The following TBCD variants were observed in gnomAD, a reference collection of about 807,000 sequenced individuals.
The protein encoded by TBCD is tubulin folding cofactor D.
A neutral mutation model predicts 169.3 loss-of-function variants in TBCD; 105 were observed. The ratio of observed to expected loss-of-function variants is 0.62; its 90% CI spans 0.53 to 0.73. The LOEUF (loss-of-function observed/expected upper bound fraction) is 0.73. TBCD is among the 30% of genes least tolerant of loss of function. The pLI is 0.00. For missense variants in TBCD, 1,444 were observed against 1,600.1 expected, an observed-to-expected ratio of 0.90 and a Z score of 1.66; for synonymous variants, 700 against 643.9, an observed-to-expected ratio of 1.09 and a Z score of -1.32.
chr17:82,838,202 T>C (rs375778786), intron 13 of TBCD, among the ~76,000 whole-genome samples: 1 of 152,202 alleles, frequency 6.6e-6, no homozygotes, highest in African/African-American at 2.4e-5. Context: ...GCCAATATAC[T>C]GTCTTTCCAA....
At chr17:82,809,837 T>C (rs376987935) in intron 12 of TBCD, 55 bp downstream of exon 12, 14 of 1,540,224 alleles carry the variant, frequency 9.1e-6, no homozygotes, top group Non-Finnish European at 1.1e-5. Context: ...TGAGAAGCCC[T>C]GGCTTTCCTT....
At chr17:82,879,076 T>C (rs867933984) in intron 14 of TBCD, among the ~76,000 whole-genome samples, 2 of 147,684 alleles carry the variant, frequency 1.4e-5, no homozygotes, top group Non-Finnish European at 3.0e-5. Context: ...TTTTTTTTTT[T>C]TTTCTTTTTT....
Position 82,943,298 on chromosome 17 carries a change from G to A in TBCD, c.*835G>A, listed in dbSNP as rs1002347219. 2.0e-5 allele frequency: 3 copies of A among 152,260 alleles called. No individual in the cohort carries two copies. Among genetic ancestry groups the A allele is most frequent in the African/African-American group, 7.2e-5 (3 of 41,438 alleles). The allele number at this position is 152,260 out of a possible 1,614,324, so 9.4% of individuals were successfully genotyped here. On this transcript the variant is annotated 3_prime_UTR_variant, in exon 39 of 39. Coordinates refer to ENST00000355528, the MANE Select transcript of TBCD (RefSeq NM_005993.5). ...GCTCGTGCTGATCCATCCCAAAGCT[G>A]GTGAGGGGAACGTGTATAAAAATTT...
intron 10 of TBCD, 24 bp from the exon 11 acceptor site, chr17:82,807,584 C>T (rs755604336): frequency 3.2e-5 from 47 of 1,482,762 alleles, no homozygotes; most frequent in African/African-American, 5.6e-5. Context: ...GACTCTGTCA[C>T]GCATCACCTT....
Position 82,799,441 on chromosome 17 carries a change from CAAAAAAAAAAAA to C in TBCD, c.818-1412_818-1401del, listed in dbSNP as rs61017445. On this transcript the variant is annotated intron_variant, in intron 8 of 38. Transcript: ENST00000355528. ...CTGGCGACAGAGCAAGACTCTGTCT[CAAAAAAAAAAAA>C]AAAAAAAAAAGAAACTATCCGAATA... Among the ~76,000 whole-genome samples, 23 of 72,620 alleles carry C rather than the reference CAAAAAAAAAAAA, an allele frequency of 3.2e-4. No homozygotes were observed. In the Admixed American group the frequency reaches 4.2e-3, roughly 13 times the overall value. The allele number at this position is 72,620 out of a possible 152,430, so 47.6% of individuals were successfully genotyped here.
intron 5 of TBCD, among the ~76,000 whole-genome samples, chr17:82,771,577 C>A (rs2048315463): frequency 6.6e-6 from 1 of 152,172 alleles, no homozygotes; most frequent in Non-Finnish European, 1.5e-5. Context: ...TGCCATCATG[C>A]CTGGCCAATT....
At chr17:82,841,207 G>T (rs894368936) in intron 13 of TBCD, among the ~76,000 whole-genome samples, 2 of 151,830 alleles carry the variant, frequency 1.3e-5, no homozygotes, top group Non-Finnish European at 2.9e-5. Context: ...CTCCCAAAGT[G>T]CTTGGATTAC....
At chr17:82,767,693 G>T (rs955336744) in intron 4 of TBCD, among the ~76,000 whole-genome samples, 1 of 152,054 alleles carries the variant, frequency 6.6e-6, no homozygotes, top group Non-Finnish European at 1.5e-5. Context: ...ACGGTGGCTC[G>T]TGCCTGTAAT....
At chr17:82,911,422 A>G (rs1425833379) in intron 22 of TBCD, among the ~76,000 whole-genome samples, 3 of 152,134 alleles carry the variant, frequency 2.0e-5, no homozygotes, top group Non-Finnish European at 4.4e-5. Context: ...TCTAGGCTGG[A>G]TAGGGGGCTC....
At chr17:82,830,050 T>A in intron 13 of TBCD, 1 of 1,569,120 alleles carries the variant, frequency 6.4e-7, no homozygotes, top group East Asian at 2.3e-5. Context: ...TTTGTAAAAA[T>A]GTGAAAGTGC....
In TBCD at chr17:82,797,800, A is replaced by G; in HGVS notation, c.815A>G (p.Tyr272Cys). 4.5e-6 allele frequency: 7 copies of G among 1,571,818 alleles called. No individual in the cohort carries two copies. Among genetic ancestry groups the G allele is most frequent in the Non-Finnish European group, 6.0e-6 (7 of 1,167,232 alleles). The change falls in exon 8 of 39, where the codon TAT (tyrosine) becomes TGT (cysteine). Residue 272 changes from tyrosine to cysteine, a missense_variant and splice_region_variant. Physicochemically the swap from Tyr to Cys is radical, Grantham distance 194 (BLOSUM62 -2). Transcript: ENST00000355528. ...GGAAAACGTGAAGACTGTTTGCCCTATGGTAAGGTTTATTTTTAAGAGACG... is the reference window on the plus strand; with the variant it reads ...GGAAAACGTGAAGACTGTTTGCCCTGTGGTAAGGTTTATTTTTAAGAGACG... ...KHGKREDCLP[Y>C]AATVLRCLDG...
intron 9 of TBCD, among the ~76,000 whole-genome samples, chr17:82,804,230 C>T (rs1255208389): frequency 3.9e-5 from 6 of 152,028 alleles, no homozygotes; most frequent in Admixed American, 2.0e-4. Flanking sequence ...TGATGGTCTC[C>T]GCCACGGTCC....
chr17:82,846,750 G>A (rs1331485855), intron 13 of TBCD, among the ~76,000 whole-genome samples: 1 of 152,228 alleles, frequency 6.6e-6, no homozygotes, highest in Non-Finnish European at 1.5e-5. Context: ...ATGGTCACCT[G>A]CCTGAGAACC....
intron 24 of TBCD, chr17:82,921,159 G>A: frequency 2.8e-6 from 1 of 363,516 alleles, no homozygotes; most frequent in South Asian, 4.2e-5. Context: ...ATCTAATTGA[G>A]TTAAAGATTT....
chr17:82,885,722 T>C (rs1256548901), intron 15 of TBCD, among the ~76,000 whole-genome samples: 3 of 152,222 alleles, frequency 2.0e-5, no homozygotes, highest in African/African-American at 7.2e-5. Flanking sequence ...GTACTTAGGC[T>C]TCTATGAACC....
Position 82,923,529 on chromosome 17 carries a change from T to C in TBCD, c.2179-123T>C. On this transcript the variant is annotated intron_variant, in intron 25 of 38. Coordinates refer to ENST00000355528, the MANE Select transcript of TBCD (RefSeq NM_005993.5). The surrounding 1 kb of genome is among the most constrained non-coding windows in gnomAD (Gnocchi z 4.6). ...TGGTCAGGCAGGGGCTGCTCTGACC[T>C]CAGGGTGACCACGGTGTCCCTGGTC... The C allele has an allele frequency of 1.2e-6, 1 of 803,794 alleles. No homozygotes were observed. The highest frequency in any genetic ancestry group is 2.0e-6 in the Non-Finnish European group (1 of 496,514). The allele number at this position is 803,794 out of a possible 1,614,324, so 49.8% of individuals were successfully genotyped here. A position where few individuals can be genotyped will look rare whatever the true frequency, so the allele number is the denominator to read the frequency against.
intron 13 of TBCD, among the ~76,000 whole-genome samples, chr17:82,847,627 A>G (rs2055258569): frequency 6.6e-6 from 1 of 152,162 alleles, no homozygotes; most frequent in Non-Finnish European, 1.5e-5. Flanking sequence ...TGTACAAATA[A>G]CGCCACAATT....
At chr17:82,778,953 C>T (rs1242756182) in intron 6 of TBCD, among the ~76,000 whole-genome samples, 2 of 151,952 alleles carry the variant, frequency 1.3e-5, no homozygotes, top group East Asian at 1.9e-4. Context: ...TGAGCCACTG[C>T]GCCCGGCCAT....
chr17:82,839,231 A>G (rs1270538757), intron 13 of TBCD, among the ~76,000 whole-genome samples: 1 of 152,224 alleles, frequency 6.6e-6, no homozygotes, highest in South Asian at 2.1e-4. Context: ...ATATAACCCT[A>G]AATTCAGCTG....
Sources: allele counts gnomAD v4.1 joint callset (sites outside exome capture counted in the v4.1 genomes callset), GRCh38; gene constraint gnomAD v4.1.1; non-coding constraint Gnocchi (gnomAD v3.1); transcripts MANE v1.5; gene names NCBI Gene and HGNC (gene_info 2026-07-23, HGNC 2026-07-21).